DNAH12: variants seen among roughly 807,000 people sequenced by gnomAD.
DNAH12 encodes dynein axonemal heavy chain 12.
Under a neutral mutation model 371.5 loss-of-function variants are expected in DNAH12, and 285 were observed. That is an observed-to-expected ratio of 0.77 (90% CI 0.70 to 0.85). DNAH12 has a LOEUF of 0.85. Ranked by LOEUF, DNAH12 falls within the 40% of genes least tolerant of loss-of-function variation. The probability of loss-of-function intolerance (pLI) is 0.00; values close to 1 mark genes in which losing one functional copy is unlikely to be tolerated. For synonymous variants in DNAH12, 1,200 were observed against 1,213.0 expected (o/e 0.99, Z 0.22); for missense variants, 3,611 against 3,689.4 (o/e 0.98, Z 0.55).
intron 2 of DNAH12, among the ~76,000 whole-genome samples, chr3:57,536,613 T>C (rs765727695): frequency 4.6e-5 from 7 of 152,224 alleles, no homozygotes; most frequent in Non-Finnish European, 8.8e-5. Flanking sequence ...CTTCAAGACG[T>C]TGGCCAGGCT....
chr3:57,303,498 A>G (rs1021464680), intron 69 of DNAH12, among the ~76,000 whole-genome samples: 13 of 149,558 alleles, frequency 8.7e-5, no homozygotes, highest in Admixed American at 3.4e-4. Context: ...TGCAGCCTCC[A>G]TCTCCCAGGC....
At chr3:57,463,502 A>G (rs1418490804) in intron 17 of DNAH12, among the ~76,000 whole-genome samples, 2 of 151,972 alleles carry the variant, frequency 1.3e-5, no homozygotes, top group East Asian at 2.0e-4. Context: ...CTGGCCCCCT[A>G]TTTTATTTTT....
intron 9 of DNAH12, among the ~76,000 whole-genome samples, chr3:57,503,541 A>G (rs935548467): frequency 1.3e-5 from 2 of 151,854 alleles, no homozygotes; most frequent in Non-Finnish European, 1.5e-5. Flanking sequence ...GGCACGCGCC[A>G]CCATGCCCAG....
At chr3:57,342,651 C>CA (rs71088061) in intron 60 of DNAH12, among the ~76,000 whole-genome samples, 8,833 of 34,948 alleles carry the variant, frequency 0.25, 1,769 homozygotes, top group South Asian at 0.43. Context: ...GACTGAGACT[C>CA]AAAAAAAAAA....
chr3:57,518,584 G>A (rs1262685706), intron 4 of DNAH12, among the ~76,000 whole-genome samples: 1 of 152,018 alleles, frequency 6.6e-6, no homozygotes, highest in African/African-American at 2.4e-5. Flanking sequence ...GGCTGCTGTG[G>A]TCAAGATAAG....
At chr3:57,518,267 G>C (rs1169225911) in intron 4 of DNAH12, among the ~76,000 whole-genome samples, 1 of 152,174 alleles carries the variant, frequency 6.6e-6, no homozygotes, top group Non-Finnish European at 1.5e-5. Context: ...GCTCACACCT[G>C]TAACCCCAGC....
intron 60 of DNAH12, among the ~76,000 whole-genome samples, chr3:57,343,854 C>A (rs6800083): frequency 6.6e-6 from 1 of 152,150 alleles, no homozygotes; most frequent in Non-Finnish European, 1.5e-5. Flanking sequence ...TCTGCTGAGA[C>A]GTTTGGGTGG....
At chr3:57,417,517 C>T (rs2064417829) in intron 37 of DNAH12, among the ~76,000 whole-genome samples, 1 of 152,074 alleles carries the variant, frequency 6.6e-6, no homozygotes, top group Admixed American at 6.6e-5. Context: ...AACTTGGGGT[C>T]CATGAGCCAA....
chr3:57,390,695 C>A (rs2063605116), intron 45 of DNAH12, among the ~76,000 whole-genome samples: 1 of 151,502 alleles, frequency 6.6e-6, no homozygotes, highest in Admixed American at 6.6e-5. Flanking sequence ...TTGTATTAAA[C>A]AGGCAGTGAC....
chr3:57,309,947 A>G, intron 67 of DNAH12, 93 bp from the exon 68 acceptor site: 2 of 1,122,722 alleles, frequency 1.8e-6, no homozygotes, highest in South Asian at 2.0e-5. Context: ...CTACTTTGGC[A>G]TAGGGGTTAT....
chr3:57,303,307 C>G (rs2061400700), intron 69 of DNAH12, among the ~76,000 whole-genome samples: 1 of 145,258 alleles, frequency 6.9e-6, no homozygotes, highest in Non-Finnish European at 1.5e-5. Context: ...CCACTGCACT[C>G]CAGCCTGGGC....
chr3:57,526,283 C>T (rs2068642468), intron 2 of DNAH12, among the ~76,000 whole-genome samples: 2 of 152,162 alleles, frequency 1.3e-5, no homozygotes, highest in Admixed American at 1.3e-4. Context: ...CCTTATTTCA[C>T]TTAACATAAT....
chr3:57,421,900 G>GTTTTTTTTTT (rs1383551758), intron 35 of DNAH12, among the ~76,000 whole-genome samples, 194 bp from the exon 36 acceptor site: 5 of 97,714 alleles, frequency 5.1e-5, no homozygotes, highest in African/African-American at 3.0e-4. Context: ...ATGTTTGCAT[G>GTTTTTTTTTT]TCTTTTTTTT....
intron 56 of DNAH12, 139 bp from the exon 57 acceptor site, chr3:57,367,060 G>A (rs2063066481): frequency 6.6e-6 from 1 of 152,156 alleles, no homozygotes; most frequent in South Asian, 2.1e-4. Context: ...AGGCTCAGTG[G>A]CTCACACCTA....
In DNAH12 at chr3:57,450,480, G is replaced by A. The variant is rs1376070599; in HGVS notation, c.3786+2363C>T. On this transcript the variant is annotated intron_variant, in intron 25 of 73. Coordinates refer to ENST00000495027, the MANE Select transcript of DNAH12 (RefSeq NM_001366028.2). ...GGAGAATCGCTTGAAGCAGGGAGGC[G>A]GAGGTTGTGGTAAGCCGAGATCGCA... Among the ~76,000 whole-genome samples the A allele has an allele frequency of 2.6e-5, 4 of 152,112 alleles. No homozygotes were observed. In the South Asian group the frequency reaches 6.2e-4, roughly 24 times the overall value.
chr3:57,322,288 T>G, intron 65 of DNAH12, 55 bp downstream of exon 65: 2 of 1,447,762 alleles, frequency 1.4e-6, no homozygotes, highest in Non-Finnish European at 1.8e-6. Context: ...ATTTTACACT[T>G]CCATATTTGA....
intron 62 of DNAH12, among the ~76,000 whole-genome samples, chr3:57,331,009 A>T (rs917577185): frequency 1.6e-4 from 24 of 152,214 alleles, no homozygotes; most frequent in African/African-American, 5.5e-4. Flanking sequence ...GTTTAACTCA[A>T]TTCAATTCAA....
At chr3:57,319,710 G>A (rs1241793470) in intron 65 of DNAH12, among the ~76,000 whole-genome samples, 1 of 151,732 alleles carries the variant, frequency 6.6e-6, no homozygotes, top group Non-Finnish European at 1.5e-5. Context: ...CTGAGTAACT[G>A]GGATTATAGC....
intron 60 of DNAH12, among the ~76,000 whole-genome samples, chr3:57,351,510 A>G (rs1553660248): frequency 6.6e-6 from 1 of 152,184 alleles, no homozygotes; most frequent in Non-Finnish European, 1.5e-5. Flanking sequence ...ACTGGAAACA[A>G]CCCATCTGTT....
Sources: gnomAD v4.1 joint callset for allele counts (sites outside exome capture counted in the v4.1 genomes callset) on GRCh38, gnomAD v4.1.1 for gene constraint, MANE v1.5 for transcripts, NCBI Gene and HGNC (gene_info 2026-07-23, HGNC 2026-07-21) for gene names.